SPAG16: variants seen among roughly 807,000 people sequenced by gnomAD.
The protein encoded by SPAG16 is sperm associated antigen 16.
A neutral mutation model predicts 80.4 loss-of-function variants in SPAG16; 86 were observed. That is an observed-to-expected ratio of 1.07 (90% CI 0.90 to 1.28). The LOEUF is 1.28. Among genes scored for constraint, SPAG16 ranks in the 50% most tolerant of loss-of-function variants. The pLI is 0.00. For synonymous variants in SPAG16, 294 were observed against 265.9 expected (o/e 1.11, Z -1.03); for missense variants, 870 against 765.3 (o/e 1.14, Z -1.61).
intron 9 of SPAG16, among the ~76,000 whole-genome samples, chr2:213,445,019 G>T (rs113109579): frequency 0.023 from 3,532 of 152,250 alleles, 57 homozygotes; most frequent in South Asian, 0.038. Context: ...AATAAATGAT[G>T]CTGGGAAAAC....
chr2:213,862,299 C>A (rs753209335), intron 10 of SPAG16, among the ~76,000 whole-genome samples, 186 bp from the exon 11 acceptor site: 4 of 152,168 alleles, frequency 2.6e-5, no homozygotes, highest in Admixed American at 1.3e-4. Flanking sequence ...TGATGGAGAT[C>A]AGAAAGCTAC....
intron 12 of SPAG16, among the ~76,000 whole-genome samples, chr2:213,960,218 G>A (rs537140189): frequency 3.3e-5 from 5 of 151,728 alleles, no homozygotes; most frequent in South Asian, 4.2e-4. Flanking sequence ...ATTTCTTTTC[G>A]GATTTTCTCT....
intron 10 of SPAG16, among the ~76,000 whole-genome samples, chr2:213,639,814 T>G (rs1322714514): frequency 6.6e-6 from 1 of 152,236 alleles, no homozygotes; most frequent in Non-Finnish European, 1.5e-5. Flanking sequence ...ATGTTTTCCT[T>G]GATTATTCCC....
At chr2:213,957,426 C>T (rs2044202806) in intron 12 of SPAG16, among the ~76,000 whole-genome samples, 2 of 150,926 alleles carry the variant, frequency 1.3e-5, no homozygotes, top group African/African-American at 2.4e-5. Context: ...GCTGGTATAG[C>T]CATCGTTGCT....
At chr2:213,834,743 G>T (rs544711144) in intron 10 of SPAG16, among the ~76,000 whole-genome samples, 1 of 152,220 alleles carries the variant, frequency 6.6e-6, no homozygotes, top group South Asian at 2.1e-4. Flanking sequence ...ATCATGTACC[G>T]TACTTTGGGG....
intron 15 of SPAG16, among the ~76,000 whole-genome samples, chr2:214,194,898 A>T (rs1299432027): frequency 1.3e-5 from 2 of 152,140 alleles, no homozygotes; most frequent in African/African-American, 2.4e-5. Context: ...CATTTATTAC[A>T]CAGCATCCAT....
chr2:214,056,180 A>C (rs750565706), intron 13 of SPAG16, among the ~76,000 whole-genome samples: 12 of 152,088 alleles, frequency 7.9e-5, no homozygotes, highest in Non-Finnish European at 1.5e-4. Flanking sequence ...ACGTGACAGT[A>C]AAGTCCATAC....
At chr2:213,946,275 C>A (rs1271513098) in intron 12 of SPAG16, among the ~76,000 whole-genome samples, 1 of 152,102 alleles carries the variant, frequency 6.6e-6, no homozygotes, top group African/African-American at 2.4e-5. Context: ...CCACCACACC[C>A]ATCTAATTTT....
At chr2:214,310,728 T>C (rs1338663422) in intron 15 of SPAG16, among the ~76,000 whole-genome samples, 1 of 152,166 alleles carries the variant, frequency 6.6e-6, no homozygotes, top group Non-Finnish European at 1.5e-5. Context: ...TTCATGGCCT[T>C]CAGTTCAGAT....
At chr2:213,300,674 A>T (rs1014606599) in intron 3 of SPAG16, among the ~76,000 whole-genome samples, 1 of 152,106 alleles carries the variant, frequency 6.6e-6, no homozygotes, top group Non-Finnish European at 1.5e-5. Context: ...AGTTTTTATT[A>T]AAAAAATTCT....
chr2:214,154,076 A>G (rs1470286659), intron 15 of SPAG16, among the ~76,000 whole-genome samples: 1 of 152,186 alleles, frequency 6.6e-6, no homozygotes, highest in African/African-American at 2.4e-5. Flanking sequence ...CACTACCTAA[A>G]TAATGTCTCT....
chr2:214,155,513 T>C (rs1175141710), intron 15 of SPAG16, among the ~76,000 whole-genome samples: 1 of 152,148 alleles, frequency 6.6e-6, no homozygotes, highest in Non-Finnish European at 1.5e-5. Flanking sequence ...ATTTACTTTT[T>C]TTTTTTTAAA....
chr2:213,952,116 G>C (rs1313853057), intron 12 of SPAG16, among the ~76,000 whole-genome samples: 1 of 151,980 alleles, frequency 6.6e-6, no homozygotes, highest in Non-Finnish European at 1.5e-5. Flanking sequence ...ACAGAAAATT[G>C]TTTTGAATCA....
At chr2:214,055,331 C>T (rs2049881637) in intron 13 of SPAG16, among the ~76,000 whole-genome samples, 2 of 152,034 alleles carry the variant, frequency 1.3e-5, no homozygotes, top group South Asian at 2.1e-4. Flanking sequence ...ATTTCATTAT[C>T]GAATAGCCCA....
chr2:214,012,286 A>ATTTTTTTTTTTTTTTTT (rs1162955315), intron 12 of SPAG16, among the ~76,000 whole-genome samples: 2 of 54,948 alleles, frequency 3.6e-5, no homozygotes, highest in African/African-American at 2.3e-4. Flanking sequence ...ATATATATAT[A>ATTTTTTTTTTTTTTTTT]TATTTTTTTT....
At chr2:213,805,401 T>C (rs905548961) in intron 10 of SPAG16, among the ~76,000 whole-genome samples, 39 of 152,130 alleles carry the variant, frequency 2.6e-4, no homozygotes, top group African/African-American at 9.2e-4. Flanking sequence ...AAGGAAAGAA[T>C]ATGTGGGCGG....
intron 9 of SPAG16, among the ~76,000 whole-genome samples, chr2:213,388,428 A>G (rs895344416): frequency 5.9e-5 from 9 of 152,214 alleles, no homozygotes; most frequent in Non-Finnish European, 1.0e-4. Flanking sequence ...ATTAAAGTCT[A>G]TGACATTCAG....
chr2:214,383,570 C>CAAA (rs374925663), intron 15 of SPAG16, among the ~76,000 whole-genome samples: 1 of 59,444 alleles, frequency 1.7e-5, no homozygotes, highest in African/African-American at 4.8e-5. Context: ...GACTTCATCT[C>CAAA]AAAAAAAAAG....
chr2:214,408,426 T>C (rs1702116748), intron 15 of SPAG16, among the ~76,000 whole-genome samples: 1 of 152,180 alleles, frequency 6.6e-6, no homozygotes, highest in Admixed American at 6.5e-5. Context: ...TTATAATAAA[T>C]ATTCACATCT....
Sources: gnomAD v4.1 joint callset for allele counts (sites outside exome capture counted in the v4.1 genomes callset) on GRCh38, gnomAD v4.1.1 for gene constraint, MANE v1.5 for transcripts, NCBI Gene and HGNC (gene_info 2026-07-23, HGNC 2026-07-21) for gene names.